PKHD1L1: variants seen among roughly 807,000 people sequenced by gnomAD.
The protein encoded by PKHD1L1 is PKHD1 like 1, also known as fibrocystin-L.
In PKHD1L1, 434 loss-of-function variants were observed where a neutral mutation model predicts 462.9. The ratio of observed to expected loss-of-function variants is 0.94; its 90% CI spans 0.87 to 1.02. PKHD1L1 has a LOEUF of 1.02. PKHD1L1 is among the 50% of genes least tolerant of loss of function. The pLI, the probability that PKHD1L1 is intolerant of heterozygous loss-of-function variation, is 0.00. For synonymous variants in PKHD1L1, 1,781 were observed against 1,750.0 expected, an observed-to-expected ratio of 1.02 and a Z score of -0.44; for missense variants, 5,202 against 5,096.1, an observed-to-expected ratio of 1.02 and a Z score of -0.63.
At chr8:109,407,588 G>T (rs967304050) in intron 17 of PKHD1L1, among the ~76,000 whole-genome samples, 1 of 152,142 alleles carries the variant, frequency 6.6e-6, no homozygotes, top group Non-Finnish European at 1.5e-5. Context: ...AAGTGGCATG[G>T]TATGAACAAA....
rs1388910247 is a variant in PKHD1L1, at chr8:109,508,116, C to T, written c.11247C>T (p.Thr3749=). Residue 3749 remains threonine (T), a synonymous_variant, in exon 70 of 78, where the codon ACC becomes ACT. Transcript: ENST00000378402. The part of the protein sequence containing the change: ...APHKGIIRDS[T]CKYLPEWQSY... ...TTCTAGGAATTATTAGAGATTCAAC[C>T]TGTAAGTACCTTCCAGAGTGGCAGA... 1.2e-6 allele frequency: 2 copies of T among 1,607,318 alleles called. No homozygotes were observed. Among genetic ancestry groups the T allele is most frequent in the South Asian group, 2.2e-5 (2 of 89,578 alleles).
chr8:109,522,279 T>G lies in PKHD1L1; in HGVS notation c.12125T>G (p.Ile4042Ser). 6.2e-7 allele frequency: 1 copy of G among 1,607,330 alleles called. No homozygotes were observed. The highest frequency in any genetic ancestry group is 8.5e-7 in the Non-Finnish European group (1 of 1,174,680). ...GNISSILGFN[I>S]SSMSITNPLP... ...ATCAGTAGTATCCTTGGATTTAACA[T>G]TTCGTCCATGTCTATTACTAATCCC... Residue 4042 changes from isoleucine (I) to serine (S), a missense_variant, in exon 74 of 78, where the codon ATT becomes AGT. Coordinates refer to ENST00000378402, the MANE Select transcript of PKHD1L1 (RefSeq NM_177531.6).
At chr8:109,384,460 T>C (rs1384095002) in intron 5 of PKHD1L1, among the ~76,000 whole-genome samples, 1 of 152,070 alleles carries the variant, frequency 6.6e-6, no homozygotes, top group African/African-American at 2.4e-5. Flanking sequence ...AGAGGATCAC[T>C]TGAGCCCAGG....
chr8:109,447,041 T>A (rs905492954), intron 38 of PKHD1L1, among the ~76,000 whole-genome samples: 1 of 152,052 alleles, frequency 6.6e-6, no homozygotes, highest in African/African-American at 2.4e-5. Flanking sequence ...CTGGGCAACA[T>A]GGTGAACCCC....
At position 109,445,030 on chromosome 8, in the gene PKHD1L1, C is replaced by T; in HGVS notation, c.5161C>T (p.Leu1721Phe). 1 of 1,613,960 alleles carries T rather than the reference C, an allele frequency of 6.2e-7. No individual in the cohort carries two copies. The highest frequency in any genetic ancestry group is 8.5e-7 in the Non-Finnish European group (1 of 1,179,874). ...TGAAACATCCCCTGCTGCCCAACAG[C>T]TTGTGGATGTAGATCTTCTAATACA... is the stretch of plus-strand genomic sequence containing the variant. ...ECETSPAAQQ[L>F]VDVDLLIHGV... The change falls in exon 38 of 78, where the codon CTT becomes TTT. Residue 1721 changes from leucine (L) to phenylalanine (F), a missense_variant. Leu to Phe is a conservative substitution (Grantham distance 22). Coordinates refer to ENST00000378402, the MANE Select transcript of PKHD1L1 (RefSeq NM_177531.6).
chr8:109,467,751 G>A (rs1042871440), intron 50 of PKHD1L1, among the ~76,000 whole-genome samples: 2 of 152,030 alleles, frequency 1.3e-5, no homozygotes, highest in Non-Finnish European at 2.9e-5. Context: ...AATGGAAAAA[G>A]CATTGATGAA....
chr8:109,392,658 T>A (rs1812768453), intron 9 of PKHD1L1, among the ~76,000 whole-genome samples: 1 of 152,122 alleles, frequency 6.6e-6, no homozygotes, highest in Non-Finnish European at 1.5e-5. Context: ...TAGGTAATCT[T>A]ACATTAAGAT....
At position 109,436,419 on chromosome 8, in the gene PKHD1L1, T is replaced by C. The variant is rs1417736678; in HGVS notation, c.3587T>C (p.Ile1196Thr). ...GTTGGAAATGAAACCTGCAATGTGA[T>C]TGAAGGGGATTTGAATAGGATAACC... The part of the protein sequence containing the change: ...VLVGNETCNV[I>T]EGDLNRITCR... The change falls in exon 30 of 78, where the codon ATT becomes ACT. Residue 1196 changes from isoleucine to threonine, a missense_variant. Physicochemically the swap from Ile to Thr is moderately conservative, Grantham distance 89. This residue lies in a region of PKHD1L1 where 4,497 missense variants were observed against 4,336.8 expected (regional missense o/e 1.04). Coordinates refer to ENST00000378402, the MANE Select transcript of PKHD1L1 (RefSeq NM_177531.6). The C allele has an allele frequency of 6.2e-7, 1 of 1,613,390 alleles. No homozygotes were observed. The highest frequency in any genetic ancestry group is 8.5e-7 in the Non-Finnish European group (1 of 1,179,690).
chr8:109,441,542 C>A (rs1211587204), intron 34 of PKHD1L1, among the ~76,000 whole-genome samples, 163 bp downstream of exon 34: 2 of 152,042 alleles, frequency 1.3e-5, no homozygotes, highest in Non-Finnish European at 2.9e-5. Context: ...ACATATAGAG[C>A]AAATTAGTGG....
At chr8:109,445,926 G>A (rs1332534949) in intron 38 of PKHD1L1, among the ~76,000 whole-genome samples, 1 of 152,050 alleles carries the variant, frequency 6.6e-6, no homozygotes, top group Non-Finnish European at 1.5e-5. Flanking sequence ...AGTGAAGATA[G>A]ACCAAAACTG....
intron 41 of PKHD1L1, 90 bp downstream of exon 41, chr8:109,451,239 TAC>T (rs1180124398): frequency 1.8e-5 from 24 of 1,356,528 alleles, no homozygotes; most frequent in Admixed American, 2.4e-5. Flanking sequence ...AGTGCAGAAA[TAC>T]AGTCATGCAA....
At chr8:109,490,492 T>G (rs1818772380) in intron 60 of PKHD1L1, among the ~76,000 whole-genome samples, 1 of 151,854 alleles carries the variant, frequency 6.6e-6, no homozygotes, top group African/African-American at 2.4e-5. Flanking sequence ...AGAGACAGCA[T>G]ATTTCTTAGT....
At chr8:109,424,176 C>T (rs372576968) in intron 23 of PKHD1L1, among the ~76,000 whole-genome samples, 6 of 152,140 alleles carry the variant, frequency 3.9e-5, no homozygotes, top group African/African-American at 1.2e-4. Flanking sequence ...GAATTATTTT[C>T]GATTGTTCTT....
chr8:109,399,486 G>A (rs1238137963), intron 12 of PKHD1L1, among the ~76,000 whole-genome samples: 2 of 152,092 alleles, frequency 1.3e-5, no homozygotes, highest in African/African-American at 2.4e-5. Flanking sequence ...ATTCTGGCAA[G>A]TATAGGTACA....
chr8:109,450,554 C>T (rs1225582950), intron 40 of PKHD1L1, among the ~76,000 whole-genome samples: 1 of 152,154 alleles, frequency 6.6e-6, no homozygotes, highest in Non-Finnish European at 1.5e-5. Flanking sequence ...TCTGCATCTT[C>T]TCGTTATGTT....
At position 109,382,540 on chromosome 8, in the gene PKHD1L1, G is replaced by T; in HGVS notation, c.386G>T (p.Gly129Val). ...GTTACGGAAAATAACACCTGCAAAG[G>T]TCACATCAACAGCTGGGAATGTACC... ...VPVTENNTCK[G>V]HINSWECTFN... Residue 129 changes from glycine (G) to valine (V), a missense_variant, in exon 4 of 78, where the codon GGT (glycine) becomes GTT (valine). Transcript: ENST00000378402. 1.1e-5 allele frequency: 17 copies of T among 1,612,310 alleles called. No individual in the cohort carries two copies. Among genetic ancestry groups the T allele is most frequent in the Non-Finnish European group, 1.4e-5 (17 of 1,179,022 alleles).
At chr8:109,410,921 G>A (rs964453134) in intron 19 of PKHD1L1, among the ~76,000 whole-genome samples, 10 of 151,172 alleles carry the variant, frequency 6.6e-5, no homozygotes, top group African/African-American at 2.4e-4. Context: ...TAGAGACGGG[G>A]TTTCACAATG....
At chr8:109,412,784 A>G (rs1813927423) in intron 20 of PKHD1L1, among the ~76,000 whole-genome samples, 1 of 152,164 alleles carries the variant, frequency 6.6e-6, no homozygotes, top group African/African-American at 2.4e-5. Context: ...GATCTTGGAT[A>G]TCCAGTCAGG....
rs372321568 is a variant in PKHD1L1 at position 109,445,218 on chromosome 8, T to C, written c.5349T>C (p.Ile1783=). ...TTTTGGAGGACATTGCTGTTTTCAT[T>C]GGAAATCAACAGTTCAGAGCAATAG... The part of the protein sequence containing the change: ...GTVLEDIAVF[I]GNQQFRAIEV... Residue 1783 remains isoleucine, a synonymous_variant, in exon 38 of 78, where the codon ATT becomes ATC. Transcript: ENST00000378402. 5.4e-5 allele frequency: 87 copies of C among 1,613,908 alleles called. No homozygotes were observed. The African/African-American group carries it at 7.5e-4, about 14-fold the overall frequency.
Sources: gnomAD v4.1 joint callset for allele counts (sites outside exome capture counted in the v4.1 genomes callset) on GRCh38, gnomAD v4.1.1 for gene constraint, gnomAD v4.1.1 regional missense constraint, MANE v1.5 for transcripts, NCBI Gene and HGNC (gene_info 2026-07-23, HGNC 2026-07-21) for gene names.